The following BRME1 variants were observed in gnomAD, a reference collection of about 807,000 sequenced individuals.
BRME1 encodes the protein break repair meiotic recombinase recruitment factor 1, also known as BRCA2 and MEILB2-associating protein 1.
Under a neutral mutation model 52.6 loss-of-function variants are expected in BRME1, and 31 were observed. The observed-to-expected ratio is 0.59, with a 90% confidence interval of 0.44 to 0.80. The LOEUF is 0.80. Among genes scored for constraint, BRME1 ranks in the 30% least tolerant of loss-of-function variants. The pLI is 0.00. For synonymous variants in BRME1, 359 were observed against 353.6 expected, an observed-to-expected ratio of 1.02 and a Z score of -0.17; for missense variants, 804 against 860.3, an observed-to-expected ratio of 0.93 and a Z score of 0.82.
intron 3 of BRME1, among the ~76,000 whole-genome samples, chr19:13,893,697 G>A (rs1263277287): frequency 1.3e-5 from 2 of 152,070 alleles, no homozygotes; most frequent in Non-Finnish European, 2.9e-5. Flanking sequence ...GCTGAGGTGG[G>A]TGGATGCCCA....
At chr19:13,904,002 G>A (rs1282140157) in intron 2 of BRME1, among the ~76,000 whole-genome samples, 4 of 152,156 alleles carry the variant, frequency 2.6e-5, no homozygotes, top group Non-Finnish European at 5.9e-5. Context: ...AGCCCGGGGA[G>A]GCCTCCTCTA....
In BRME1 at chr19:13,895,618, C is replaced by T. The variant is rs1969833645; in HGVS notation, c.32-72G>A. The T allele has an allele frequency of 4.4e-6, 6 of 1,369,502 alleles. No homozygotes were observed. The South Asian group carries it at 5.4e-5, about 12-fold the overall frequency. The allele number at this position is 1,369,502 out of a possible 1,614,324, so 84.8% of individuals were successfully genotyped here. A position where few individuals can be genotyped will look rare whatever the true frequency, so the allele number is the denominator to read the frequency against. On this transcript the variant is annotated intron_variant, in intron 2 of 8. Coordinates refer to ENST00000586783, the MANE Select transcript of BRME1 (RefSeq NM_001345843.2). ...TGCTCATGGCTGACAACTCAGGTCTCCCCCACTACAACCAGGCTGCACGCG... is the reference window on the plus strand; with the variant it reads ...TGCTCATGGCTGACAACTCAGGTCTTCCCCACTACAACCAGGCTGCACGCG...
chr19:13,882,993 C>T, intron 8 of BRME1, 41 bp from the exon 9 acceptor site: 1 of 1,591,302 alleles, frequency 6.3e-7, no homozygotes, highest in Non-Finnish European at 8.5e-7. Context: ...GCTCAGTGGT[C>T]ACCAGGTGAC....
chr19:13,900,106 T>C (rs1376170051), intron 2 of BRME1, among the ~76,000 whole-genome samples: 1 of 152,192 alleles, frequency 6.6e-6, no homozygotes, highest in Non-Finnish European at 1.5e-5. Context: ...GCTGACTGAA[T>C]GGCCATTTGT....
chr19:13,886,204 C>CGGTAACGG (rs1368212083), intron 6 of BRME1, 149 bp from the exon 7 acceptor site: 4 of 635,524 alleles, frequency 6.3e-6, no homozygotes, highest in Non-Finnish European at 1.1e-5. Flanking sequence ...AGAGGAAGAG[C>CGGTAACGG]GGTAACGGGG....
At chr19:13,885,642 G>A (rs1968958026) in intron 7 of BRME1, among the ~76,000 whole-genome samples, 1 of 152,196 alleles carries the variant, frequency 6.6e-6, no homozygotes, top group South Asian at 2.1e-4. Flanking sequence ...CCTTCCCAGG[G>A]ACTCAGGAGG....
chr19:13,894,467 G>T (rs1373515705), intron 3 of BRME1, among the ~76,000 whole-genome samples: 2 of 151,932 alleles, frequency 1.3e-5, no homozygotes, highest in Non-Finnish European at 2.9e-5. Flanking sequence ...GGAGGTTGCA[G>T]TGAGCCGAGA....
intron 2 of BRME1, among the ~76,000 whole-genome samples, chr19:13,902,929 A>G (rs955855881): frequency 1.3e-5 from 2 of 151,822 alleles, no homozygotes; most frequent in Non-Finnish European, 2.9e-5. Context: ...CCGTCTCAAA[A>G]AAAAAAAAAA....
intron 2 of BRME1, among the ~76,000 whole-genome samples, chr19:13,903,688 TAA>T (rs904108278): frequency 1.4e-5 from 2 of 145,472 alleles, no homozygotes; most frequent in Non-Finnish European, 3.0e-5. Context: ...AAAAAAAAAA[TAA>T]AGTCTCCAAA....
At chr19:13,896,562 C>T (rs776321473) in intron 2 of BRME1, among the ~76,000 whole-genome samples, 4 of 146,422 alleles carry the variant, frequency 2.7e-5, no homozygotes, top group Admixed American at 7.0e-5. Context: ...AGCCAGGCCA[C>T]GCCACCTCAG....
chr19:13,889,659 C>T lies in BRME1; in HGVS notation c.1197G>A (p.Gly399=). 1 of 1,609,808 alleles carries T rather than the reference C, an allele frequency of 6.2e-7. No homozygotes were observed. Among genetic ancestry groups the T allele is most frequent in the Non-Finnish European group, 8.5e-7 (1 of 1,178,100 alleles). ...SLTGETTGES[G]EAGQDGKPPG... ...GGGGCTTGCCATCCTGCCCTGCCTC[C>T]CCACTTTCTCCTGTGGTTTCCCCAG... Residue 399 remains glycine (G), a synonymous_variant, in exon 6 of 9, where the codon GGG becomes GGA. Transcript: ENST00000586783.
chr19:13,883,071 G>A lies in BRME1; in HGVS notation c.1857-119C>T, dbSNP rs149090094. On this transcript the variant is annotated intron_variant, in intron 8 of 8. Transcript: ENST00000586783. The surrounding 1 kb of genome is among the most constrained non-coding windows in gnomAD (Gnocchi z 4.2). ...AGGTGCACACACACGGCTCACACAC[G>A]TGCACATAACCAGAAAGGGCCTGTT... 428 of 1,310,930 alleles carry A rather than the reference G, an allele frequency of 3.3e-4. 1 individual carries two copies. The African/African-American group carries it at 5.2e-3, about 16-fold the overall frequency. 81.2% of individuals were successfully genotyped at this position (1,310,930 alleles called of 1,614,324 possible).
At position 13,883,330 on chromosome 19, in the gene BRME1, T is replaced by C. The variant is rs1870835082; in HGVS notation, c.1834A>G (p.Ile612Val). ...TACTTCAGGTTGGAGAGCTCAACGATGAGGCCACGCACGACGTTGGTGGCA... is the reference window on the plus strand; with the variant it reads ...TACTTCAGGTTGGAGAGCTCAACGACGAGGCCACGCACGACGTTGGTGGCA... ...EDATNVVRGL[I>V]VELSNLNRLI... The change falls in exon 8 of 9, where the codon ATC becomes GTC. Residue 612 changes from isoleucine to valine, a missense_variant. Transcript: ENST00000586783. This position sits in a 1 kb window ranked among gnomAD's most constrained non-coding sequence, Gnocchi z 4.2. The C allele has an allele frequency of 2.6e-6, 4 of 1,534,344 alleles. No individual in the cohort carries two copies. The South Asian group carries it at 3.6e-5, about 14-fold the overall frequency.
Position 13,892,881 on chromosome 19 carries a change from C to T in BRME1, c.298G>A (p.Gly100Arg), listed in dbSNP as rs369698495. ...TTTGCAAACTGGGGAACAAACCTCCCGAATGAGTTCTGTAAACCGGATACA... is the reference window on the plus strand; with the variant it reads ...TTTGCAAACTGGGGAACAAACCTCCTGAATGAGTTCTGTAAACCGGATACA... ...APLPPSQNSF[G>R]RFVPQFAKSR... Residue 100 changes from glycine to arginine, a missense_variant, in exon 5 of 9, where the codon GGG becomes AGG. Gly to Arg is a moderately radical substitution (Grantham distance 125). Coordinates refer to ENST00000586783, the MANE Select transcript of BRME1 (RefSeq NM_001345843.2). 4.2e-5 allele frequency: 67 copies of T among 1,612,562 alleles called. No homozygotes were observed. Among genetic ancestry groups the T allele is most frequent in the African/African-American group, 8.0e-5 (6 of 75,002 alleles).
At chr19:13,904,532 C>A (rs1332948897) in intron 2 of BRME1, among the ~76,000 whole-genome samples, 1 of 152,076 alleles carries the variant, frequency 6.6e-6, no homozygotes, top group Admixed American at 6.6e-5. Flanking sequence ...ACATCGGACT[C>A]CCAGGTTCAA....
intron 7 of BRME1, among the ~76,000 whole-genome samples, chr19:13,884,628 C>CTCAA (rs569044027): frequency 2.7e-4 from 34 of 125,384 alleles, no homozygotes; most frequent in African/African-American, 9.5e-4. Flanking sequence ...GACTGTGTCT[C>CTCAA]AAAAAAAAAA....
At chr19:13,901,121 C>T (rs1367365101) in intron 2 of BRME1, among the ~76,000 whole-genome samples, 1 of 151,854 alleles carries the variant, frequency 6.6e-6, no homozygotes, top group Non-Finnish European at 1.5e-5. Flanking sequence ...TACAGGTAGG[C>T]ACCACCACAC....
chr19:13,905,314 C>T (rs1242299133), intron 1 of BRME1, among the ~76,000 whole-genome samples: 2 of 152,058 alleles, frequency 1.3e-5, no homozygotes. Context: ...GGAGACCAGC[C>T]TGGCCAATAT....
chr19:13,890,565 C>T, intron 5 of BRME1, 103 bp from the exon 6 acceptor site: 1 of 1,172,594 alleles, frequency 8.5e-7, no homozygotes, highest in South Asian at 2.2e-5. Flanking sequence ...TTTGTCATTA[C>T]TTTTAATGGC....
Sources: gnomAD v4.1 joint callset for allele counts (sites outside exome capture counted in the v4.1 genomes callset) on GRCh38, gnomAD v4.1.1 for gene constraint, Gnocchi (gnomAD v3.1) non-coding constraint, MANE v1.5 for transcripts, NCBI Gene and HGNC (gene_info 2026-07-23, HGNC 2026-07-21) for gene names.